COL22A1: variants seen among roughly 807,000 people sequenced by gnomAD.
The protein encoded by COL22A1 is collagen alpha-1(XXII) chain.
Under a neutral mutation model 248.9 loss-of-function variants are expected in COL22A1, and 221 were observed. The observed-to-expected ratio is 0.89, with a 90% confidence interval of 0.80 to 0.99. The LOEUF is 0.99. Ranked by LOEUF, COL22A1 falls within the 50% of genes least tolerant of loss-of-function variation. The pLI is 0.00. For missense variants in COL22A1, 2,240 were observed against 2,179.0 expected, an observed-to-expected ratio of 1.03 and a Z score of -0.56; for synonymous variants, 891 against 793.4, an observed-to-expected ratio of 1.12 and a Z score of -2.07.
intron 48 of COL22A1, among the ~76,000 whole-genome samples, chr8:138,635,676 A>T (rs1821093995): frequency 1.3e-5 from 2 of 152,170 alleles, no homozygotes; most frequent in African/African-American, 4.8e-5. Flanking sequence ...TATGAAACCA[A>T]ATAAACCACC....
chr8:138,777,666 G>C (rs982324800), intron 15 of COL22A1, among the ~76,000 whole-genome samples: 14 of 152,086 alleles, frequency 9.2e-5, no homozygotes, highest in African/African-American at 3.4e-4. Context: ...ATGGTTTCCA[G>C]CTTCATCCAT....
chr8:138,755,938 T>C (rs910918683), intron 18 of COL22A1, 109 bp from the exon 19 acceptor site: 62 of 863,706 alleles, frequency 7.2e-5, no homozygotes, highest in Non-Finnish European at 1.1e-4. Context: ...CACCCCTCCC[T>C]GTGCACCACC....
chr8:138,821,003 C>T, intron 7 of COL22A1, 133 bp downstream of exon 7: 1 of 994,810 alleles, frequency 1.0e-6, no homozygotes, highest in Non-Finnish European at 1.5e-6. Flanking sequence ...AGGGTCTTTC[C>T]TTCTAAGACG....
chr8:138,873,148 T>C (rs1343386771), intron 3 of COL22A1, among the ~76,000 whole-genome samples: 3 of 152,164 alleles, frequency 2.0e-5, no homozygotes, highest in Non-Finnish European at 4.4e-5. Flanking sequence ...CCTGCAATCC[T>C]GGACAGGCCA....
intron 1 of COL22A1, among the ~76,000 whole-genome samples, chr8:138,899,853 A>G (rs1440678759): frequency 6.6e-6 from 1 of 152,188 alleles, no homozygotes; most frequent in Non-Finnish European, 1.5e-5. Context: ...GGTCTTACCT[A>G]TCATGATCCC....
At chr8:138,910,160 A>G (rs1463698102) in intron 1 of COL22A1, among the ~76,000 whole-genome samples, 1 of 152,246 alleles carries the variant, frequency 6.6e-6, no homozygotes, top group Non-Finnish European at 1.5e-5. Context: ...TCATTCAATT[A>G]TTCATTCATG....
chr8:138,901,433 C>A lies in COL22A1; in HGVS notation c.-73+12186G>T, dbSNP rs376108766. Among the ~76,000 whole-genome samples the A allele has an allele frequency of 2.9e-4, 40 of 136,280 alleles. 1 individual carries two copies. In the South Asian group the frequency reaches 8.7e-3, roughly 30 times the overall value. The allele number at this position is 136,280 out of a possible 152,430, so 89.4% of individuals were successfully genotyped here. ...CTAGGCTGGAGTGCAGTGGTGTGAT[C>A]ACAGCTCACTGCAGCCTCTACCTCC... On this transcript the variant is annotated intron_variant, in intron 1 of 64. Coordinates refer to ENST00000303045, the MANE Select transcript of COL22A1 (RefSeq NM_152888.3).
chr8:138,879,946 G>C lies in COL22A1; in HGVS notation c.92-1630C>G, dbSNP rs1042656585. On this transcript the variant is annotated intron_variant, in intron 2 of 64. Transcript: ENST00000303045. The stretch of plus-strand genomic sequence containing the variant: ...ACGAGAGTTGGAGGAGAATGCACCT[G>C]CCTGCTCAGCAAGTGGCCATGGACT... Among the ~76,000 whole-genome samples, 7 of 152,302 alleles carry C rather than the reference G, an allele frequency of 4.6e-5. No individual in the cohort carries two copies. The South Asian group carries it at 1.2e-3, about 27-fold the overall frequency.
At chr8:138,838,574 GT>G (rs1211137195) in intron 4 of COL22A1, among the ~76,000 whole-genome samples, 1 of 151,402 alleles carries the variant, frequency 6.6e-6, no homozygotes, top group Non-Finnish European at 1.5e-5. Context: ...CTACTTTCTG[GT>G]TCCACTTTTA....
intron 22 of COL22A1, among the ~76,000 whole-genome samples, chr8:138,743,637 AAAAT>A (rs1323487727): frequency 1.3e-5 from 2 of 152,196 alleles, no homozygotes; most frequent in African/African-American, 4.8e-5. Context: ...AGTGCTAGAA[AAAAT>A]AAATTTTGTA....
At chr8:138,769,596 T>C (rs7831669) in intron 16 of COL22A1, among the ~76,000 whole-genome samples, 75,326 of 151,974 alleles carry the variant, frequency 0.5, 19,692 homozygotes, top group African/African-American at 0.66. Flanking sequence ...TCCTAAGGTG[T>C]CTCGGGATGA....
intron 47 of COL22A1, among the ~76,000 whole-genome samples, chr8:138,641,496 A>G (rs567152341): frequency 1.3e-5 from 2 of 152,344 alleles, no homozygotes; most frequent in East Asian, 1.9e-4. Context: ...TGTGGTTACC[A>G]TCTTGTTGCT....
At chr8:138,821,706 G>C (rs1819150677) in intron 6 of COL22A1, among the ~76,000 whole-genome samples, 1 of 152,180 alleles carries the variant, frequency 6.6e-6, no homozygotes, top group South Asian at 2.1e-4. Context: ...AGCCTCAACT[G>C]TCTGGAAGGG....
chr8:138,805,018 TGTGTGTGTGATA>T (rs796155676), intron 10 of COL22A1, among the ~76,000 whole-genome samples: 42,922 of 136,370 alleles, frequency 0.31, 7,041 homozygotes, highest in African/African-American at 0.5. Flanking sequence ...TGTGTGGTGG[TGTGTGTGTGATA>T]GTGTGTGTGA....
intron 44 of COL22A1, among the ~76,000 whole-genome samples, chr8:138,659,216 T>C (rs1383923987): frequency 6.6e-6 from 1 of 152,124 alleles, no homozygotes. Flanking sequence ...CCAACAAGAC[T>C]TTATGCTCCT....
intron 1 of COL22A1, among the ~76,000 whole-genome samples, chr8:138,908,618 A>G (rs752345879): frequency 4.6e-5 from 7 of 152,176 alleles, no homozygotes; most frequent in Non-Finnish European, 8.8e-5. Context: ...CTAAGCCCCA[A>G]TGTGTCCATC....
intron 7 of COL22A1, among the ~76,000 whole-genome samples, chr8:138,816,061 T>C (rs1278736638): frequency 2.0e-5 from 3 of 152,120 alleles, no homozygotes; most frequent in Non-Finnish European, 2.9e-5. Flanking sequence ...AAATGAAAAA[T>C]TGTGGTTTTG....
chr8:138,656,130 A>G (rs1823239434), intron 44 of COL22A1, among the ~76,000 whole-genome samples, 186 bp from the exon 45 acceptor site: 1 of 152,200 alleles, frequency 6.6e-6, no homozygotes, highest in Non-Finnish European at 1.5e-5. Context: ...CTCCTCCAAG[A>G]CAGCAACTGC....
intron 7 of COL22A1, among the ~76,000 whole-genome samples, chr8:138,819,324 A>T (rs1818915457): frequency 6.6e-6 from 1 of 152,132 alleles, no homozygotes; most frequent in Admixed American, 6.5e-5. Context: ...GGTTATCTAG[A>T]AATCATTCAG....
Sources: allele counts gnomAD v4.1 joint callset (sites outside exome capture counted in the v4.1 genomes callset), GRCh38; gene constraint gnomAD v4.1.1; transcripts MANE v1.5; gene names NCBI Gene and HGNC (gene_info 2026-07-23, HGNC 2026-07-21).